DPP10: variants seen among roughly 807,000 people sequenced by gnomAD.
DPP10 encodes the protein dipeptidyl peptidase like 10, also known as inactive dipeptidyl peptidase 10.
A neutral mutation model predicts 120.9 loss-of-function variants in DPP10; 33 were observed. The observed-to-expected ratio is 0.27, with a 90% confidence interval of 0.21 to 0.37. The LOEUF is 0.37. Ranked by LOEUF, DPP10 falls within the 10% of genes least tolerant of loss-of-function variation. The pLI is 1.00. For missense variants in DPP10, 816 were observed against 942.8 expected, an observed-to-expected ratio of 0.87 and a Z score of 1.76; for synonymous variants, 337 against 326.1, an observed-to-expected ratio of 1.03 and a Z score of -0.36.
intron 3 of DPP10, among the ~76,000 whole-genome samples, chr2:115,423,026 A>C (rs2070122816): frequency 2.0e-5 from 3 of 152,136 alleles, no homozygotes; most frequent in Non-Finnish European, 2.9e-5. Context: ...TGTGAATATG[A>C]CATTTAAATA....
chr2:114,505,811 T>A (rs1683602034), intron 1 of DPP10, among the ~76,000 whole-genome samples: 1 of 152,214 alleles, frequency 6.6e-6, no homozygotes, highest in African/African-American at 2.4e-5. Context: ...TGCTTTCCTC[T>A]ATCTATGAAC....
chr2:114,868,693 G>A (rs1007766094), intron 1 of DPP10, among the ~76,000 whole-genome samples: 2 of 152,114 alleles, frequency 1.3e-5, no homozygotes, highest in South Asian at 2.1e-4. Context: ...AAGAACAAAA[G>A]CATCTACTGG....
At chr2:115,147,156 C>T (rs2051270474) in intron 1 of DPP10, among the ~76,000 whole-genome samples, 1 of 150,818 alleles carries the variant, frequency 6.6e-6, no homozygotes, top group South Asian at 2.1e-4. Context: ...ACTATATATA[C>T]TATATATATG....
At chr2:115,015,527 A>C (rs766376304) in intron 1 of DPP10, among the ~76,000 whole-genome samples, 10 of 152,196 alleles carry the variant, frequency 6.6e-5, no homozygotes, top group Non-Finnish European at 1.3e-4. Context: ...AAAGAAATAA[A>C]GTGTATTCAA....
intron 1 of DPP10, among the ~76,000 whole-genome samples, chr2:114,875,815 C>G (rs539339893): frequency 5.3e-5 from 8 of 152,120 alleles, no homozygotes; most frequent in Admixed American, 4.6e-4. Flanking sequence ...TAGAGAGATA[C>G]TTTAATTAGA....
intron 1 of DPP10, among the ~76,000 whole-genome samples, chr2:114,775,079 C>T (rs1681605049): frequency 6.6e-6 from 1 of 152,024 alleles, no homozygotes; most frequent in Non-Finnish European, 1.5e-5. Context: ...GTCCTGGTCC[C>T]CACCCTTGAC....
chr2:115,286,526 A>ATATATATATATATATATATATAT lies in DPP10; in HGVS notation c.61-22713_61-22712insTATATATATATATATATATATAT, dbSNP rs10675008. Among the ~76,000 whole-genome samples the ATATATATATATATATATATATAT allele has an allele frequency of 7.4e-3, 451 of 60,744 alleles. 39 individuals are homozygous for ATATATATATATATATATATATAT. The highest frequency in any genetic ancestry group is 0.011 in the Non-Finnish European group (326 of 30,016). 39.9% of individuals were successfully genotyped at this position (60,744 alleles called of 152,430 possible). A position where few individuals can be genotyped will look rare whatever the true frequency, so the allele number is the denominator to read the frequency against. On this transcript the variant is annotated intron_variant, in intron 1 of 25. Transcript: ENST00000410059. ...TATTACATATATAATATATATATAT[A>ATATATATATATATATATATATAT]ATATATATATATATAAAATATATAC...
chr2:114,615,605 A>G (rs1296207397), intron 1 of DPP10, among the ~76,000 whole-genome samples: 1 of 152,150 alleles, frequency 6.6e-6, no homozygotes, highest in Non-Finnish European at 1.5e-5. Flanking sequence ...CTTGCACAGA[A>G]CAGGAACCAA....
chr2:115,043,939 G>T (rs1704867154), intron 1 of DPP10, among the ~76,000 whole-genome samples: 1 of 152,032 alleles, frequency 6.6e-6, no homozygotes, highest in Non-Finnish European at 1.5e-5. Flanking sequence ...ATATATTTAT[G>T]GGGTACATGA....
intron 3 of DPP10, among the ~76,000 whole-genome samples, chr2:115,496,967 A>G (rs2076429855): frequency 6.6e-6 from 1 of 151,948 alleles, no homozygotes; most frequent in Non-Finnish European, 1.5e-5. Flanking sequence ...CTGTGCACTG[A>G]GTCTGCCTCT....
intron 12 of DPP10, among the ~76,000 whole-genome samples, chr2:115,766,334 ATATG>A (rs1461993587): frequency 0.12 from 11,975 of 100,782 alleles, 843 homozygotes; most frequent in Non-Finnish European, 0.16. Context: ...ATGTATATAT[ATATG>A]TATATATATA....
intron 1 of DPP10, among the ~76,000 whole-genome samples, chr2:115,072,328 CTT>C (rs950489238): frequency 2.5e-4 from 38 of 152,216 alleles, no homozygotes; most frequent in African/African-American, 8.9e-4. Context: ...TGTCTTTTTT[CTT>C]AAAAGAAACA....
intron 5 of DPP10, among the ~76,000 whole-genome samples, chr2:115,667,965 A>G (rs1347272641): frequency 2.0e-5 from 3 of 152,112 alleles, no homozygotes; most frequent in African/African-American, 2.4e-5. Context: ...TTTAATATAC[A>G]GATGATTAAT....
At chr2:115,804,085 G>C (rs1202045268) in intron 19 of DPP10, among the ~76,000 whole-genome samples, 1 of 151,938 alleles carries the variant, frequency 6.6e-6, no homozygotes, top group African/African-American at 2.4e-5. Context: ...ACGTAGATTT[G>C]GTCTTTTCAC....
chr2:115,057,490 C>A (rs1024956718), intron 1 of DPP10, among the ~76,000 whole-genome samples: 17 of 152,028 alleles, frequency 1.1e-4, no homozygotes, highest in African/African-American at 4.1e-4. Flanking sequence ...TGTACTAAAC[C>A]CATTAACATG....
chr2:114,950,437 G>A (rs556189214), intron 1 of DPP10, among the ~76,000 whole-genome samples: 9 of 151,248 alleles, frequency 6.0e-5, no homozygotes, highest in Admixed American at 3.3e-4. Context: ...TGGGACTACA[G>A]GTTCCCGCCA....
At chr2:114,645,725 T>C (rs112523203) in intron 1 of DPP10, among the ~76,000 whole-genome samples, 52 of 152,168 alleles carry the variant, frequency 3.4e-4, no homozygotes, top group African/African-American at 1.2e-3. Context: ...CCCACTAGAC[T>C]GAAGCTTGCC....
intron 1 of DPP10, among the ~76,000 whole-genome samples, chr2:114,569,986 T>A (rs983469984): frequency 1.3e-5 from 2 of 152,192 alleles, no homozygotes; most frequent in Non-Finnish European, 2.9e-5. Context: ...GAATGCTATA[T>A]TTGAACTAAA....
At chr2:114,755,839 G>C (rs540409502) in intron 1 of DPP10, among the ~76,000 whole-genome samples, 1 of 150,120 alleles carries the variant, frequency 6.7e-6, no homozygotes, top group South Asian at 2.1e-4. Flanking sequence ...TCCTCAGTTT[G>C]TTCTTTTGCA....
Sources: gnomAD v4.1 joint callset for allele counts (sites outside exome capture counted in the v4.1 genomes callset) on GRCh38, gnomAD v4.1.1 for gene constraint, MANE v1.5 for transcripts, NCBI Gene and HGNC (gene_info 2026-07-23, HGNC 2026-07-21) for gene names.